The following RAP1A variants were observed in gnomAD, a reference collection of about 807,000 sequenced individuals.
The protein encoded by RAP1A is RAP1A, member of RAS oncogene family.
Under a neutral mutation model 26.4 loss-of-function variants are expected in RAP1A, and 6 were observed. The observed-to-expected ratio is 0.23, with a 90% CI of 0.12 to 0.45. RAP1A has a LOEUF of 0.45. Ranked by LOEUF, RAP1A falls within the 20% of genes least tolerant of loss-of-function variation. The pLI is 0.99. For synonymous variants in RAP1A, 73 were observed against 79.4 expected, an observed-to-expected ratio of 0.92 and a Z score of 0.43; for missense variants, 121 against 217.2, an observed-to-expected ratio of 0.56 and a Z score of 2.78.
chr1:111,679,516 T>TCAAAA (rs1661229194), intron 1 of RAP1A, among the ~76,000 whole-genome samples: 1 of 152,038 alleles, frequency 6.6e-6, no homozygotes, highest in Non-Finnish European at 1.5e-5. Context: ...TCTTTTCTTT[T>TCAAAA]CTTTTTTTTT....
chr1:111,666,090 T>C (rs1660789203), intron 1 of RAP1A, among the ~76,000 whole-genome samples: 1 of 152,166 alleles, frequency 6.6e-6, no homozygotes, highest in Non-Finnish European at 1.5e-5. Flanking sequence ...GGGAGAATAG[T>C]TTTTAAATGC....
intron 1 of RAP1A, among the ~76,000 whole-genome samples, chr1:111,656,571 A>T (rs539897010): frequency 3.3e-5 from 5 of 152,166 alleles, no homozygotes; most frequent in African/African-American, 1.2e-4. Context: ...TATTACACTG[A>T]AATTGGTTTA....
chr1:111,598,321 GTTA>G (rs1658596957), intron 1 of RAP1A, among the ~76,000 whole-genome samples: 1 of 152,136 alleles, frequency 6.6e-6, no homozygotes, highest in African/African-American at 2.4e-5. Flanking sequence ...GGTAGATACT[GTTA>G]TTATGCCATT....
intron 1 of RAP1A, among the ~76,000 whole-genome samples, chr1:111,553,952 G>T (rs183764677): frequency 1.3e-5 from 2 of 152,304 alleles, no homozygotes; most frequent in Non-Finnish European, 2.9e-5. Flanking sequence ...TTCCATATGG[G>T]CATGCATTGC....
chr1:111,619,873 G>A lies in RAP1A; in HGVS notation c.-89G>A. ...GAGCAGGAGCCACGGCCGAGAGGAG[G>A]GAGGAGGAGGAGGAGGAGGTGGAGG... On this transcript the variant is annotated 5_prime_UTR_variant, in exon 1 of 8. Transcript: ENST00000369709. 1 of 394,348 alleles carries A rather than the reference G, an allele frequency of 2.5e-6. No homozygotes were observed. The highest frequency in any genetic ancestry group is 4.5e-6 in the Non-Finnish European group (1 of 223,588). The allele number at this position is 394,348 out of a possible 1,614,324, so 24.4% of individuals were successfully genotyped here. A position where few individuals can be genotyped will look rare whatever the true frequency, so the allele number is the denominator to read the frequency against.
intron 1 of RAP1A, among the ~76,000 whole-genome samples, chr1:111,604,002 T>C (rs1437132478): frequency 6.6e-6 from 1 of 152,200 alleles, no homozygotes; most frequent in African/African-American, 2.4e-5. Flanking sequence ...AAGGAAAAGT[T>C]TGCAAAGATC....
At position 111,715,781 on chromosome 1, in the gene RAP1A, G is replaced by A. The variant is rs1662524878; in HGVS notation, c.*3380G>A. On this transcript the variant is annotated 3_prime_UTR_variant, in exon 8 of 8. Transcript: ENST00000369709. The stretch of plus-strand genomic sequence containing the variant: ...CTTTATTACCAACTTTATTAAAACA[G>A]GCTTGGAACATTTTTCTCCATAGAA... 6.6e-6 allele frequency: 1 copy of A among 152,156 alleles called. No individual in the cohort carries two copies. Among genetic ancestry groups the A allele is most frequent in the East Asian group, 1.9e-4 (1 of 5,206 alleles). The allele number at this position is 152,156 out of a possible 1,614,324, so 9.4% of individuals were successfully genotyped here.
At chr1:111,665,343 G>A (rs1305593474) in intron 1 of RAP1A, among the ~76,000 whole-genome samples, 1 of 152,080 alleles carries the variant, frequency 6.6e-6, no homozygotes, top group East Asian at 1.9e-4. Context: ...GTGCTGTTAA[G>A]GGAATAAAGT....
chr1:111,607,649 CG>C (rs1402892373), intron 1 of RAP1A, among the ~76,000 whole-genome samples: 13 of 146,890 alleles, frequency 8.9e-5, no homozygotes, highest in Non-Finnish European at 2.0e-4. Context: ...GGGCTGACCC[CG>C]CCACGTCCCT....
chr1:111,633,175 A>G (rs1659625229), intron 1 of RAP1A, among the ~76,000 whole-genome samples: 1 of 152,100 alleles, frequency 6.6e-6, no homozygotes. Flanking sequence ...TTTATGTGAT[A>G]TTTTGGTTCT....
At chr1:111,623,381 C>T (rs1458144520) in intron 1 of RAP1A, among the ~76,000 whole-genome samples, 1 of 151,506 alleles carries the variant, frequency 6.6e-6, no homozygotes, top group Non-Finnish European at 1.5e-5. Context: ...TTGTATGATG[C>T]TTTTAGAATA....
At position 111,568,317 on chromosome 1, in the gene RAP1A, T is replaced by C. The variant is rs180977657; in HGVS notation, c.-28+25808T>C. On this transcript the variant is annotated intron_variant, in intron 1 of 7. Transcript: ENST00000356415. ...CTAGTGAGGCCTCAGGGAGCTTTTG[T>C]TCATGGTGCAAGGCAAAGCAGGAGC... Among the ~76,000 whole-genome samples, 66 of 152,246 alleles carry C rather than the reference T, an allele frequency of 4.3e-4. No homozygotes were observed. The East Asian group carries it at 0.012, about 28-fold the overall frequency.
rs74109835 is a variant in RAP1A, at chr1:111,635,303, A to G, written c.-28+15369A>G. On this transcript the variant is annotated intron_variant, in intron 1 of 7. Coordinates refer to ENST00000369709, the MANE Select transcript of RAP1A (RefSeq NM_002884.4). ...ATAAGTGTTTAATTATAGGATTTAA[A>G]CTTATTTATATAAATGGTATGCAAA... is the stretch of plus-strand genomic sequence containing the variant. Among the ~76,000 whole-genome samples, 706 of 152,320 alleles carry G rather than the reference A, an allele frequency of 4.6e-3. 7 individuals are homozygous for G. The highest frequency in any genetic ancestry group is 0.016 in the African/African-American group (680 of 41,566).
At chr1:111,690,707 A>C (rs1189182571) in intron 1 of RAP1A, among the ~76,000 whole-genome samples, 1 of 152,204 alleles carries the variant, frequency 6.6e-6, no homozygotes, top group East Asian at 1.9e-4. Context: ...ATACCTTTTA[A>C]GATAATCATG....
chr1:111,620,641 G>C (rs1010646587), intron 1 of RAP1A, among the ~76,000 whole-genome samples: 1 of 152,092 alleles, frequency 6.6e-6, no homozygotes, highest in African/African-American at 2.4e-5. Context: ...CCCCTTTCCC[G>C]CCTTCTTTAC....
intron 6 of RAP1A, among the ~76,000 whole-genome samples, chr1:111,705,800 T>A (rs1479397309): frequency 6.6e-6 from 1 of 152,230 alleles, no homozygotes; most frequent in Non-Finnish European, 1.5e-5. Context: ...TATGTTTGGC[T>A]AGCAGAACAG....
intron 1 of RAP1A, among the ~76,000 whole-genome samples, chr1:111,655,337 C>T (rs1022061016): frequency 6.1e-5 from 9 of 147,660 alleles, no homozygotes; most frequent in Middle Eastern, 3.2e-3. Context: ...TGAGGGAAAA[C>T]GGGATAATCA....
chr1:111,689,005 T>G (rs550995917), intron 1 of RAP1A, among the ~76,000 whole-genome samples: 2 of 152,038 alleles, frequency 1.3e-5, no homozygotes, highest in African/African-American at 4.8e-5. Context: ...CAGCTAATTT[T>G]TTGTATTTTT....
At chr1:111,697,192 A>G (rs1391394632) in intron 3 of RAP1A, among the ~76,000 whole-genome samples, 1 of 152,222 alleles carries the variant, frequency 6.6e-6, no homozygotes, top group Non-Finnish European at 1.5e-5. Context: ...ATAACAAATA[A>G]GAATCGTTAC....
Sources: allele counts gnomAD v4.1 joint callset (sites outside exome capture counted in the v4.1 genomes callset), GRCh38; gene constraint gnomAD v4.1.1; transcripts MANE v1.5; gene names NCBI Gene and HGNC (gene_info 2026-07-23, HGNC 2026-07-21).